The following CHRM5 variants were observed in gnomAD, a reference collection of about 807,000 sequenced individuals.
The protein encoded by CHRM5 is muscarinic acetylcholine receptor M5.
In CHRM5, 18 loss-of-function variants were observed where a neutral mutation model predicts 39.0. That is an observed-to-expected ratio of 0.46 (90% confidence interval 0.32 to 0.68). The LOEUF (loss-of-function observed/expected upper bound fraction) is 0.68. Among genes scored for constraint, CHRM5 ranks in the 30% least tolerant of loss-of-function variants. The probability of loss-of-function intolerance (pLI) is 0.04; values close to 1 mark genes in which losing one functional copy is unlikely to be tolerated. For missense variants in CHRM5, 515 were observed against 651.1 expected (o/e 0.79, Z 2.28); for synonymous variants, 241 against 246.3 (o/e 0.98, Z 0.20).
chr15:34,059,378 T>C (rs949222690), intron 2 of CHRM5, among the ~76,000 whole-genome samples: 3 of 152,198 alleles, frequency 2.0e-5, no homozygotes, highest in Non-Finnish European at 2.9e-5. Flanking sequence ...TTTTGAAGAA[T>C]TGATTAGAAA....
chr15:34,013,354 G>A (rs35979000), intron 1 of CHRM5, among the ~76,000 whole-genome samples: 1 of 152,180 alleles, frequency 6.6e-6, no homozygotes, highest in South Asian at 2.1e-4. Flanking sequence ...GAGCCACTGG[G>A]CCTGGCCAAA....
At chr15:33,999,088 A>G (rs1215237182) in intron 1 of CHRM5, among the ~76,000 whole-genome samples, 1 of 152,062 alleles carries the variant, frequency 6.6e-6, no homozygotes, top group African/African-American at 2.4e-5. Context: ...AACCTGTTCT[A>G]CCCTAGAAGG....
At chr15:34,057,612 A>G (rs188106808) in intron 2 of CHRM5, among the ~76,000 whole-genome samples, 4 of 152,126 alleles carry the variant, frequency 2.6e-5, no homozygotes, top group Non-Finnish European at 4.4e-5. Flanking sequence ...TCTGAGACTC[A>G]GGTTAAGTAA....
chr15:34,044,003 C>A (rs1215413313), intron 1 of CHRM5, among the ~76,000 whole-genome samples: 2 of 151,882 alleles, frequency 1.3e-5, no homozygotes, highest in Non-Finnish European at 2.9e-5. Context: ...CCAGCAAATG[C>A]TCCCACTCTC....
At chr15:34,011,839 T>C (rs1349192590) in intron 1 of CHRM5, among the ~76,000 whole-genome samples, 1 of 152,174 alleles carries the variant, frequency 6.6e-6, no homozygotes, top group Non-Finnish European at 1.5e-5. Context: ...GGACAGACTA[T>C]GGGATTTCTC....
chr15:34,014,137 C>T (rs952169832), intron 1 of CHRM5, among the ~76,000 whole-genome samples: 8 of 151,998 alleles, frequency 5.3e-5, no homozygotes, highest in East Asian at 1.9e-4. Flanking sequence ...CCAACATGGG[C>T]GGATCACCTG....
At chr15:33,991,565 T>C (rs1382876396) in intron 1 of CHRM5, 1 of 151,754 alleles carries the variant, frequency 6.6e-6, no homozygotes, top group East Asian at 1.9e-4. Context: ...ATTGAATGTT[T>C]GCTGAAATTT....
intron 1 of CHRM5, among the ~76,000 whole-genome samples, chr15:34,015,673 G>GA (rs1292660331): frequency 2.6e-5 from 4 of 151,670 alleles, no homozygotes; most frequent in Non-Finnish European, 4.4e-5. Context: ...ACACATGAGG[G>GA]AAAAAAAAGT....
At chr15:33,972,553 AC>A (rs766884341) in intron 1 of CHRM5, 1 of 152,254 alleles carries the variant, frequency 6.6e-6, no homozygotes, top group Non-Finnish European at 1.5e-5. Flanking sequence ...AAACAAAAAA[AC>A]AAAGGACTGT....
chr15:34,059,828 C>A (rs1306899758), intron 2 of CHRM5, among the ~76,000 whole-genome samples: 1 of 152,156 alleles, frequency 6.6e-6, no homozygotes, highest in Admixed American at 6.5e-5. Flanking sequence ...TCACAGGTGC[C>A]CCTATGGCAT....
intron 1 of CHRM5, among the ~76,000 whole-genome samples, chr15:33,999,277 A>G (rs923337626): frequency 2.6e-5 from 4 of 152,188 alleles, no homozygotes; most frequent in African/African-American, 9.7e-5. Context: ...CCAACTCTCT[A>G]TGACTCCCTT....
chr15:34,049,913 G>A (rs1312412774), intron 2 of CHRM5, among the ~76,000 whole-genome samples: 1 of 148,598 alleles, frequency 6.7e-6, no homozygotes, highest in Non-Finnish European at 1.5e-5. Context: ...TTTGAGACAG[G>A]ATCTCACTCC....
chr15:34,043,075 G>A (rs944694285), intron 1 of CHRM5, among the ~76,000 whole-genome samples: 2 of 151,842 alleles, frequency 1.3e-5, no homozygotes, highest in African/African-American at 2.4e-5. Context: ...GTGAAACCCC[G>A]TCTCTACTGA....
At chr15:33,990,967 C>T (rs1367102358) in intron 1 of CHRM5, 1 of 152,060 alleles carries the variant, frequency 6.6e-6, no homozygotes, top group African/African-American at 2.4e-5. Flanking sequence ...TCCAAACAAA[C>T]CTCCCTCTGA....
chr15:34,053,101 A>C (rs933475844), intron 2 of CHRM5, among the ~76,000 whole-genome samples: 2 of 151,714 alleles, frequency 1.3e-5, no homozygotes, highest in African/African-American at 2.4e-5. Flanking sequence ...GGAATTTGAG[A>C]CGAGCCTAGC....
chr15:34,049,596 T>C, intron 2 of CHRM5, among the ~76,000 whole-genome samples: 1 of 151,878 alleles, frequency 6.6e-6, no homozygotes. Flanking sequence ...TGGAACCGAG[T>C]TGGAAAACAT....
In CHRM5 at chr15:34,019,439, A is replaced by T. The variant is rs182138220; in HGVS notation, c.-407-27101A>T. Among the ~76,000 whole-genome samples, 61 of 152,314 alleles carry T rather than the reference A, an allele frequency of 4.0e-4. No individual in the cohort carries two copies. In the East Asian group the frequency reaches 8.9e-3, roughly 22 times the overall value. On this transcript the variant is annotated intron_variant, in intron 1 of 2. Coordinates refer to ENST00000383263, the MANE Select transcript of CHRM5 (RefSeq NM_012125.4). The stretch of plus-strand genomic sequence containing the variant: ...TACAGTAAACTAGGGCTAATTATTT[A>T]AAAAAAGCATAAGTTTAGTGTAGCC...
At chr15:33,978,145 G>A (rs1018227682) in intron 1 of CHRM5, among the ~76,000 whole-genome samples, 1 of 152,060 alleles carries the variant, frequency 6.6e-6, no homozygotes, top group Non-Finnish European at 1.5e-5. Context: ...AAACCTTAGC[G>A]ATCCAAGTAC....
In CHRM5 at chr15:34,063,852, T is replaced by C; in HGVS notation, c.1135T>C (p.Tyr379His). The change falls in exon 3 of 3, where the codon TAT becomes CAT. Residue 379 changes from tyrosine (Y) to histidine (H), a missense_variant. Coordinates refer to ENST00000383263, the MANE Select transcript of CHRM5 (RefSeq NM_012125.4). This position sits in a 1 kb window ranked among gnomAD's most constrained non-coding sequence, Gnocchi z 4.1. ...HRPKSQKCVAYKFRLVVKADG... is the reference protein window; with the variant it reads ...HRPKSQKCVAHKFRLVVKADG... ...ACCCAAGAGTCAGAAATGTGTGGCC[T>C]ATAAGTTCCGATTGGTGGTAAAAGC... 6.2e-7 allele frequency: 1 copy of C among 1,614,174 alleles called. No individual in the cohort carries two copies. The highest frequency in any genetic ancestry group is 1.7e-5 in the Admixed American group (1 of 60,018).
Sources: allele counts gnomAD v4.1 joint callset (sites outside exome capture counted in the v4.1 genomes callset), GRCh38; gene constraint gnomAD v4.1.1; non-coding constraint Gnocchi (gnomAD v3.1); transcripts MANE v1.5; gene names NCBI Gene and HGNC (gene_info 2026-07-23, HGNC 2026-07-21).